The following WNT2 variants were observed in gnomAD, a reference collection of about 807,000 sequenced individuals.
The protein encoded by WNT2 is protein Wnt-2.
A neutral mutation model predicts 36.9 loss-of-function variants in WNT2; 12 were observed. That is an observed-to-expected ratio of 0.33 (90% confidence interval 0.21 to 0.53). The LOEUF is 0.53. WNT2 is among the 20% of genes least tolerant of loss of function. WNT2 has a pLI of 0.95. For missense variants in WNT2, 379 were observed against 473.1 expected (o/e 0.80, Z 1.84); for synonymous variants, 163 against 174.6 (o/e 0.93, Z 0.52).
At position 117,277,979 on chromosome 7, in the gene WNT2, T is replaced by G. The variant is rs1794409210; in HGVS notation, c.*176A>C. The G allele has an allele frequency of 9.4e-6, 6 of 638,764 alleles. No individual in the cohort carries two copies. Among genetic ancestry groups the G allele is most frequent in the Non-Finnish European group, 1.6e-5 (6 of 366,886 alleles). 39.6% of individuals were successfully genotyped at this position (638,764 alleles called of 1,614,324 possible). On this transcript the variant is annotated 3_prime_UTR_variant, in exon 5 of 5. Transcript: ENST00000265441. Reference sequence around the variant, plus strand: ...TGGATAGAATAGGGTAGGCTTTAGGTGCAGCGTGTGGCCCCCCCATCCTGG... The same window carrying G: ...TGGATAGAATAGGGTAGGCTTTAGGGGCAGCGTGTGGCCCCCCCATCCTGG...
Position 117,320,621 on chromosome 7 carries a change from T to A in WNT2, c.256A>T (p.Asn86Tyr). 1 of 1,614,024 alleles carries A rather than the reference T, an allele frequency of 6.2e-7. No individual in the cohort carries two copies. Among genetic ancestry groups the A allele is most frequent in the Non-Finnish European group, 8.5e-7 (1 of 1,179,984 alleles). The stretch of plus-strand genomic sequence containing the variant: ...TGATCCCTGTCCAGGGTGTTGCAAT[T>A]CCAGCGGTGCTGGCGGAACTGGTGC... ...CQHQFRQHRW[N>Y]CNTLDRDHSL... The change falls in exon 2 of 5, where the codon AAT (asparagine) becomes TAT (tyrosine). Residue 86 changes from asparagine to tyrosine, a missense_variant. By Grantham distance (143) the Asn-to-Tyr change is moderately radical. Coordinates refer to ENST00000265441, the MANE Select transcript of WNT2 (RefSeq NM_003391.3).
At chr7:117,308,856 A>T (rs1022087562) in intron 3 of WNT2, among the ~76,000 whole-genome samples, 7 of 151,956 alleles carry the variant, frequency 4.6e-5, no homozygotes, top group African/African-American at 1.7e-4. Flanking sequence ...TTTGTTTATT[A>T]TTATTCATTT....
intron 3 of WNT2, 76 bp downstream of exon 3, chr7:117,314,995 A>G: frequency 1.3e-6 from 2 of 1,548,422 alleles, no homozygotes; most frequent in South Asian, 2.5e-5. Flanking sequence ...ATTCTAGGGA[A>G]GTTTAAGATA....
At chr7:117,307,409 T>A (rs1795034828) in intron 3 of WNT2, among the ~76,000 whole-genome samples, 1 of 151,998 alleles carries the variant, frequency 6.6e-6, no homozygotes, top group African/African-American at 2.4e-5. Flanking sequence ...AGGCAGTAAG[T>A]GAGATAACCC....
intron 2 of WNT2, among the ~76,000 whole-genome samples, chr7:117,319,015 T>A (rs1187135846): frequency 6.6e-6 from 1 of 152,240 alleles, no homozygotes; most frequent in African/African-American, 2.4e-5. Flanking sequence ...CCAGAGATGA[T>A]CATTTCATAA....
chr7:117,307,766 T>C (rs1481241726), intron 3 of WNT2, among the ~76,000 whole-genome samples: 1 of 152,220 alleles, frequency 6.6e-6, no homozygotes, highest in Non-Finnish European at 1.5e-5. Context: ...GAACCCTGTG[T>C]CATGTCATAC....
chr7:117,322,879 TC>T lies in WNT2; in HGVS notation c.83+27del, dbSNP rs34431449. ...GCGGTCCCCATTCCGATCTCCAAAA[TC>T]CCCCGCGCCCGTGCGCGTGGACTTA... is the stretch of plus-strand genomic sequence containing the variant. On this transcript the variant is annotated intron_variant, in intron 1 of 4. Coordinates refer to ENST00000265441, the MANE Select transcript of WNT2 (RefSeq NM_003391.3). This position sits in a 1 kb window ranked among gnomAD's most constrained non-coding sequence, Gnocchi z 5.4. 1 of 1,610,582 alleles carries T rather than the reference TC, an allele frequency of 6.2e-7. No homozygotes were observed. Among genetic ancestry groups the T allele is most frequent in the Non-Finnish European group, 8.5e-7 (1 of 1,178,100 alleles).
intron 4 of WNT2, among the ~76,000 whole-genome samples, chr7:117,286,253 T>G (rs1039180013): frequency 1.3e-5 from 2 of 152,212 alleles, no homozygotes; most frequent in African/African-American, 4.8e-5. Context: ...ATAAAATTAA[T>G]AATGGAGTCA....
At chr7:117,311,616 T>C (rs899158741) in intron 3 of WNT2, among the ~76,000 whole-genome samples, 2 of 152,240 alleles carry the variant, frequency 1.3e-5, no homozygotes, top group Non-Finnish European at 2.9e-5. Context: ...TTTATTAGTA[T>C]GTTAACTGAA....
chr7:117,320,107 T>C (rs1795296182), intron 2 of WNT2, among the ~76,000 whole-genome samples: 2 of 152,242 alleles, frequency 1.3e-5, no homozygotes, highest in African/African-American at 4.8e-5. Flanking sequence ...TTGTCTCTGC[T>C]TCTTAATATC....
At position 117,297,675 on chromosome 7, in the gene WNT2, T is replaced by C. The variant is rs1244163772; in HGVS notation, c.790A>G (p.Thr264Ala). The C allele has an allele frequency of 6.2e-7, 1 of 1,614,168 alleles. No individual in the cohort carries two copies. Among genetic ancestry groups the C allele is most frequent in the Non-Finnish European group, 8.5e-7 (1 of 1,179,990 alleles). The change falls in exon 4 of 5, where the codon ACG (threonine) becomes GCG (alanine). Residue 264 changes from threonine to alanine, a missense_variant. Coordinates refer to ENST00000265441, the MANE Select transcript of WNT2 (RefSeq NM_003391.3). ...TVANERFKKP[T>A]KNDLVYFENS... ...TCAAAATACACGAGGTCATTTTTCG[T>C]TGGCTTCTTAAACCTCTCGTTAGCC... is the stretch of plus-strand genomic sequence containing the variant.
At chr7:117,281,335 T>C (rs888508629) in intron 4 of WNT2, among the ~76,000 whole-genome samples, 69 of 152,126 alleles carry the variant, frequency 4.5e-4, no homozygotes, top group African/African-American at 1.6e-3. Context: ...CCTCCTGGGC[T>C]CAAGGAATTC....
At chr7:117,313,178 G>C (rs1795153638) in intron 3 of WNT2, among the ~76,000 whole-genome samples, 1 of 152,174 alleles carries the variant, frequency 6.6e-6, no homozygotes, top group Non-Finnish European at 1.5e-5. Flanking sequence ...CTAGTACAAA[G>C]GGGGAGTAGA....
intron 3 of WNT2, among the ~76,000 whole-genome samples, chr7:117,306,394 G>A (rs1232556511): frequency 6.6e-6 from 1 of 152,198 alleles, no homozygotes; most frequent in African/African-American, 2.4e-5. Context: ...CTATGTGCAA[G>A]CACTGTTTTT....
At chr7:117,306,575 C>T (rs1795018016) in intron 3 of WNT2, among the ~76,000 whole-genome samples, 1 of 152,138 alleles carries the variant, frequency 6.6e-6, no homozygotes, top group South Asian at 2.1e-4. Flanking sequence ...GTCTCTTGTT[C>T]TACTTCCTTC....
At chr7:117,296,048 T>C (rs933070407) in intron 4 of WNT2, among the ~76,000 whole-genome samples, 1 of 152,160 alleles carries the variant, frequency 6.6e-6, no homozygotes, top group Non-Finnish European at 1.5e-5. Flanking sequence ...AGTCAATGCA[T>C]AGGACTTAAA....
rs1486757264 is a variant in WNT2, at chr7:117,294,376, G to A, written c.853+3236C>T. On this transcript the variant is annotated intron_variant, in intron 4 of 4. Coordinates refer to ENST00000265441, the MANE Select transcript of WNT2 (RefSeq NM_003391.3). ...AAAAATTTTAACTATCTGGACTTGT[G>A]CTTGCATAATATCAAATATCCTAAA... is the stretch of plus-strand genomic sequence containing the variant. 5.3e-5 allele frequency among the ~76,000 whole-genome samples: 8 copies of A among 152,118 alleles called. 1 individual carries two copies. Among genetic ancestry groups the A allele is most frequent in the African/African-American group, 9.7e-5 (4 of 41,408 alleles).
intron 3 of WNT2, among the ~76,000 whole-genome samples, chr7:117,312,195 G>C (rs761077171): frequency 6.6e-6 from 1 of 152,008 alleles, no homozygotes; most frequent in African/African-American, 2.4e-5. Flanking sequence ...ACAGGGTCTC[G>C]TGCTGTCACC....
At chr7:117,289,354 G>A (rs1794644385) in intron 4 of WNT2, among the ~76,000 whole-genome samples, 1 of 152,002 alleles carries the variant, frequency 6.6e-6, no homozygotes, top group African/African-American at 2.4e-5. Flanking sequence ...CACTGCGCCC[G>A]GCCCACTTGA....
Sources: allele counts gnomAD v4.1 joint callset (sites outside exome capture counted in the v4.1 genomes callset), GRCh38; gene constraint gnomAD v4.1.1; non-coding constraint Gnocchi (gnomAD v3.1); transcripts MANE v1.5; gene names NCBI Gene and HGNC (gene_info 2026-07-23, HGNC 2026-07-21).